POMT1: variants seen among roughly 807,000 people sequenced by gnomAD.
POMT1 encodes protein O-mannosyltransferase 1.
In POMT1, 85 loss-of-function variants were observed where a neutral mutation model predicts 101.6. The ratio of observed to expected loss-of-function variants is 0.84; its 90% CI spans 0.70 to 1.00. The LOEUF is 1.00. Among genes scored for constraint, POMT1 ranks in the 50% least tolerant of loss-of-function variants. The pLI, the probability that POMT1 is intolerant of heterozygous loss-of-function variation, is 0.00. For missense variants in POMT1, 857 were observed against 930.4 expected, an observed-to-expected ratio of 0.92 and a Z score of 1.03; for synonymous variants, 371 against 383.0, an observed-to-expected ratio of 0.97 and a Z score of 0.37.
chr9:131,504,433 A>T, intron 2 of POMT1, 93 bp downstream of exon 2: 1 of 1,590,470 alleles, frequency 6.3e-7, no homozygotes, highest in Non-Finnish European at 8.6e-7. Context: ...GGAGAGTGAA[A>T]TCCTGGCTTC....
rs1222675433 is a variant in POMT1, at chr9:131,509,961, G to A, written c.664G>A (p.Ala222Thr). ...VLVLGVAAVH[A>T]WHLLGDQTLS... ...CGTGCTGGGTGTTGCAGCTGTCCAT[G>A]CCTGGCACCTGCTTGGAGACCAGAC... Residue 222 changes from alanine (A) to threonine (T), a missense_variant, in exon 8 of 20, where the codon GCC becomes ACC. Physicochemically the swap from Ala to Thr is moderately conservative, Grantham distance 58. Transcript: ENST00000402686. The A allele has an allele frequency of 6.2e-7, 1 of 1,614,132 alleles. No individual in the cohort carries two copies. Among genetic ancestry groups the A allele is most frequent in the East Asian group, 2.2e-5 (1 of 44,888 alleles).
rs1456593826 is a variant in POMT1 at position 131,522,143 on chromosome 9, T to G, written c.1922T>G (p.Leu641Arg). Residue 641 changes from leucine to arginine, a missense_variant, in exon 19 of 20, where the codon CTC (leucine) becomes CGC (arginine). Leu to Arg is a moderately radical substitution (Grantham distance 102). Transcript: ENST00000402686. This position sits in a 1 kb window ranked among gnomAD's most constrained non-coding sequence, Gnocchi z 5.5. Reference protein sequence around the residue: ...PFFLMEKTLFLYHYLPALTFQ... With the variant: ...PFFLMEKTLFRYHYLPALTFQ... ...TTCCTGATGGAGAAGACACTCTTCC[T>G]CTACCACTACCTGCCCGCACTCACC... 1 of 1,614,180 alleles carries G rather than the reference T, an allele frequency of 6.2e-7. No individual in the cohort carries two copies. Among genetic ancestry groups the G allele is most frequent in the Non-Finnish European group, 8.5e-7 (1 of 1,180,044 alleles).
At chr9:131,507,837 C>T (rs941643547) in intron 5 of POMT1, among the ~76,000 whole-genome samples, 1 of 152,248 alleles carries the variant, frequency 6.6e-6, no homozygotes, top group African/African-American at 2.4e-5. Context: ...TCCACCACCT[C>T]CCAGGCCTTG....
chr9:131,522,928 G>GC lies in POMT1; in HGVS notation c.2004-3dup. On this transcript the variant is annotated splice_region_variant and splice_polypyrimidine_tract_variant and intron_variant, in intron 19 of 19. Coordinates refer to ENST00000402686, the MANE Select transcript of POMT1 (RefSeq NM_001077365.2). The surrounding 1 kb of genome is among the most constrained non-coding windows in gnomAD (Gnocchi z 5.5). ...CCTCCCCCACGCTGCTCTGACCTCT[G>GC]CAGGTCCCAGCTCCAGAGGAGCATC... 1 of 1,582,870 alleles carries GC rather than the reference G, an allele frequency of 6.3e-7. No individual in the cohort carries two copies. Among genetic ancestry groups the GC allele is most frequent in the Non-Finnish European group, 8.6e-7 (1 of 1,167,384 alleles).
rs564718937 is a variant in POMT1 at position 131,507,355 on chromosome 9, G to A, written c.281-13G>A. On this transcript the variant is annotated splice_polypyrimidine_tract_variant and intron_variant, in intron 4 of 19. Coordinates refer to ENST00000402686, the MANE Select transcript of POMT1 (RefSeq NM_001077365.2). ...ACAGTGTAGTCAGCTCTGCAGTGTG[G>A]TTGCTTTTCCAGAATACAGTAGCAA... 1.2e-6 allele frequency: 2 copies of A among 1,614,088 alleles called. No homozygotes were observed. Among genetic ancestry groups the A allele is most frequent in the South Asian group, 2.2e-5 (2 of 91,082 alleles).
intron 12 of POMT1, among the ~76,000 whole-genome samples, chr9:131,514,784 C>T (rs967847547): frequency 2.0e-5 from 3 of 152,084 alleles, no homozygotes; most frequent in African/African-American, 2.4e-5. Flanking sequence ...GGTGAAACCC[C>T]GTCTCTACTA....
At chr9:131,518,568 C>CT (rs1949233154) in intron 14 of POMT1, 31 bp downstream of exon 14, 2 of 1,579,416 alleles carry the variant, frequency 1.3e-6, no homozygotes, top group Middle Eastern at 1.7e-4. Context: ...TTGGCCTGTC[C>CT]TGAGCTGTGG....
At chr9:131,509,854 TTA>T (rs773711452) in intron 7 of POMT1, 46 bp downstream of exon 7, 39 of 1,614,130 alleles carry the variant, frequency 2.4e-5, no homozygotes, top group Non-Finnish European at 3.1e-5. Flanking sequence ...CTCCATCTCC[TTA>T]TGTTTTCCTG....
intron 10 of POMT1, 117 bp downstream of exon 10, chr9:131,511,584 G>A: frequency 1.4e-6 from 2 of 1,413,720 alleles, no homozygotes; most frequent in Non-Finnish European, 1.9e-6. Flanking sequence ...GAAAGAAGTT[G>A]AGCAGCCCGG....
At chr9:131,521,812 T>C (rs1949980613) in intron 18 of POMT1, among the ~76,000 whole-genome samples, 2 of 152,238 alleles carry the variant, frequency 1.3e-5, no homozygotes, top group African/African-American at 4.8e-5. Flanking sequence ...TGGTCCCATG[T>C]TGCCCGTATG....
chr9:131,506,085 A>G (rs1404974851), intron 2 of POMT1, 29 bp from the exon 3 acceptor site: 9 of 1,611,580 alleles, frequency 5.6e-6, no homozygotes, highest in African/African-American at 1.3e-5. Context: ...CTAATTGAAT[A>G]TAATATGGGT....
At position 131,523,231 on chromosome 9, in the gene POMT1, T is replaced by C. The variant is rs1950318258; in HGVS notation, c.*125T>C. The stretch of plus-strand genomic sequence containing the variant: ...GACACGGGCTGGGCTGAGCAGGGCC[T>C]CTAGTGGAACACATGGGGGTCTCAT... On this transcript the variant is annotated 3_prime_UTR_variant, in exon 20 of 20. Coordinates refer to ENST00000402686, the MANE Select transcript of POMT1 (RefSeq NM_001077365.2). 1 of 1,207,494 alleles carries C rather than the reference T, an allele frequency of 8.3e-7. No individual in the cohort carries two copies. Among genetic ancestry groups the C allele is most frequent in the South Asian group, 1.3e-5 (1 of 76,232 alleles). The allele number at this position is 1,207,494 out of a possible 1,614,324, so 74.8% of individuals were successfully genotyped here. A position where few individuals can be genotyped will look rare whatever the true frequency, so the allele number is the denominator to read the frequency against.
chr9:131,504,173 C>T lies in POMT1; in HGVS notation c.-30-16C>T, dbSNP rs771949915. On this transcript the variant is annotated splice_polypyrimidine_tract_variant and intron_variant, in intron 1 of 19. Transcript: ENST00000402686. ...CGTGAGCCCTCATGGACCACGGCTC[C>T]TCCCTTCTTTTCTAGGGCGTCTGCC... 86 of 1,613,728 alleles carry T rather than the reference C, an allele frequency of 5.3e-5. No individual in the cohort carries two copies. Among genetic ancestry groups the T allele is most frequent in the Non-Finnish European group, 6.8e-5 (80 of 1,179,854 alleles).
rs527286034 is a variant in POMT1, at chr9:131,503,298, C to CG, written c.-31+228dup. The CG allele has an allele frequency of 3.4e-3, 522 of 152,724 alleles. 2 individuals carry two copies. The highest frequency in any genetic ancestry group is 6.8e-3 in the Middle Eastern group (2 of 296). The allele number at this position is 152,724 out of a possible 1,614,324, so 9.5% of individuals were successfully genotyped here. ...AGCCCTAGGGAGGAAGGGCGTGCTG[C>CG]GGGTGCAGTCTCAGGGTGAGGACGG... On this transcript the variant is annotated intron_variant, in intron 1 of 19. Transcript: ENST00000402686. This position sits in a 1 kb window ranked among gnomAD's most constrained non-coding sequence, Gnocchi z 4.4.
Position 131,507,480 on chromosome 9 carries a change from T to TTGGA in POMT1, c.393_394insTGGA (p.Ala132TrpfsTer201). The TTGGA allele has an allele frequency of 6.2e-7, 1 of 1,614,204 alleles. No individual in the cohort carries two copies. The highest frequency in any genetic ancestry group is 8.5e-7 in the Non-Finnish European group (1 of 1,180,038). ...TGTTGGAGCTCCACTTTTCTCATTGTGCCGCCATGGGAGCTGCTCTGTTGA... is the reference window on the plus strand; with the variant it reads ...TGTTGGAGCTCCACTTTTCTCATTGTTGGAGCCGCCATGGGAGCTGCTCTGTTGA... On this transcript the variant is annotated frameshift_variant, in exon 5 of 20. Coordinates refer to ENST00000402686, the MANE Select transcript of POMT1 (RefSeq NM_001077365.2). LOFTEE classifies it high-confidence loss of function.
chr9:131,510,660 C>T (rs904819852), intron 9 of POMT1: 1 of 537,698 alleles, frequency 1.9e-6, no homozygotes, highest in Non-Finnish European at 3.3e-6. Context: ...CCTGCAACCA[C>T]ACCCAGCTAA....
Position 131,522,947 on chromosome 9 carries a change from G to T in POMT1, c.2019G>T (p.Arg673Ser). 6.3e-7 allele frequency: 1 copy of T among 1,594,722 alleles called. No homozygotes were observed. Among genetic ancestry groups the T allele is most frequent in the East Asian group, 2.2e-5 (1 of 44,510 alleles). ...SDHLCRSQLQ[R>S]SIFSALVVAW... Reference sequence around the variant, plus strand: ...ACCTCTGCAGGTCCCAGCTCCAGAGGAGCATCTTCAGCGCCCTGGTGGTGG... The same window carrying T: ...ACCTCTGCAGGTCCCAGCTCCAGAGTAGCATCTTCAGCGCCCTGGTGGTGG... Residue 673 changes from arginine (R) to serine (S), a missense_variant, in exon 20 of 20, where the codon AGG becomes AGT. Coordinates refer to ENST00000402686, the MANE Select transcript of POMT1 (RefSeq NM_001077365.2). This position sits in a 1 kb window ranked among gnomAD's most constrained non-coding sequence, Gnocchi z 5.5.
intron 13 of POMT1, among the ~76,000 whole-genome samples, chr9:131,517,861 C>T (rs1231830909): frequency 6.6e-6 from 1 of 152,242 alleles, no homozygotes; most frequent in East Asian, 1.9e-4. Context: ...GGCCAGGCCT[C>T]CTCATGCCTG....
chr9:131,521,099 T>G (rs765021987), intron 17 of POMT1: 206 of 526,782 alleles, frequency 3.9e-4, no homozygotes, highest in Non-Finnish European at 6.3e-4. Flanking sequence ...CACCTCAGCT[T>G]CCCAAAGTGC....
Sources: gnomAD v4.1 joint callset for allele counts (sites outside exome capture counted in the v4.1 genomes callset) on GRCh38, gnomAD v4.1.1 for gene constraint, Gnocchi (gnomAD v3.1) non-coding constraint, MANE v1.5 for transcripts, NCBI Gene and HGNC (gene_info 2026-07-23, HGNC 2026-07-21) for gene names.